LINGO2: variants seen among roughly 807,000 people sequenced by gnomAD.
LINGO2 encodes leucine rich repeat and Ig domain containing 2, also known as leucine-rich repeat and immunoglobulin-like domain-containing nogo receptor-interacting protein 2.
A neutral mutation model predicts 30.6 loss-of-function variants in LINGO2; 14 were observed. The ratio of observed to expected loss-of-function variants is 0.46; its 90% CI spans 0.30 to 0.72. The LOEUF is 0.72. Among genes scored for constraint, LINGO2 ranks in the 30% least tolerant of loss-of-function variants. The pLI is 0.07. For missense variants in LINGO2, 729 were observed against 751.7 expected (o/e 0.97, Z 0.35); for synonymous variants, 317 against 288.5 (o/e 1.10, Z -1.00).
intron 5 of LINGO2, among the ~76,000 whole-genome samples, chr9:28,011,943 C>T (rs1004622478): frequency 1.3e-5 from 2 of 150,744 alleles, no homozygotes; most frequent in Admixed American, 6.6e-5. Context: ...AACCCCAAGC[C>T]TCTGAAGGAC....
chr9:28,278,161 A>G (rs1823195398), intron 4 of LINGO2, among the ~76,000 whole-genome samples: 1 of 152,228 alleles, frequency 6.6e-6, no homozygotes, highest in Non-Finnish European at 1.5e-5. Flanking sequence ...AAGGTAAGAA[A>G]GCTGCAGGAA....
the LINGO2 span, among the ~76,000 whole-genome samples, chr9:28,831,283 C>T: frequency 2.1e-4 from 32 of 151,936 alleles, no homozygotes; most frequent in African/African-American, 6.8e-4. Context: ...AAAAATTAAA[C>T]GTACAAAGAC....
the LINGO2 span, among the ~76,000 whole-genome samples, chr9:29,055,940 G>GTATATA: frequency 0.14 from 16,649 of 116,320 alleles, 1,599 homozygotes; most frequent in Non-Finnish European, 0.17. Flanking sequence ...ATGTGTGTGT[G>GTATATA]TATATATACA....
chr9:28,232,915 C>T (rs1403559643), intron 4 of LINGO2, among the ~76,000 whole-genome samples: 1 of 151,000 alleles, frequency 6.6e-6, no homozygotes, highest in Non-Finnish European at 1.5e-5. Context: ...CTCACCCATG[C>T]ATATGGGAAA....
At chr9:28,353,700 A>G (rs1270094597) in intron 3 of LINGO2, among the ~76,000 whole-genome samples, 1 of 152,170 alleles carries the variant, frequency 6.6e-6, no homozygotes, top group Non-Finnish European at 1.5e-5. Flanking sequence ...AGACACATGC[A>G]CACGTATGTT....
the LINGO2 span, among the ~76,000 whole-genome samples, chr9:28,833,508 G>A: frequency 4.6e-5 from 7 of 152,292 alleles, no homozygotes; most frequent in African/African-American, 1.7e-4. Flanking sequence ...AAGTCTGAGA[G>A]AGAAGAAAAC....
chr9:29,062,225 T>C, the LINGO2 span, among the ~76,000 whole-genome samples: 1 of 152,102 alleles, frequency 6.6e-6, no homozygotes, highest in Non-Finnish European at 1.5e-5. Flanking sequence ...TAGAAGCCTG[T>C]GCACTGTTGC....
intron 4 of LINGO2, among the ~76,000 whole-genome samples, chr9:28,172,199 G>A (rs1191664858): frequency 6.7e-6 from 1 of 149,654 alleles, no homozygotes; most frequent in Admixed American, 6.7e-5. Context: ...AGACCATCCC[G>A]GCTAAAACGG....
chr9:28,771,506 T>TGTGTGTGA, the LINGO2 span, among the ~76,000 whole-genome samples: 2 of 95,148 alleles, frequency 2.1e-5, no homozygotes, highest in South Asian at 4.5e-4. Flanking sequence ...TGTGTGTGTG[T>TGTGTGTGA]GAGAGAGAGA....
chr9:28,442,425 A>G (rs1341576804), intron 2 of LINGO2, among the ~76,000 whole-genome samples: 4 of 152,176 alleles, frequency 2.6e-5, no homozygotes, highest in African/African-American at 9.6e-5. Flanking sequence ...ATATCAAAAC[A>G]TCACACTGTG....
intron 1 of LINGO2, among the ~76,000 whole-genome samples, chr9:28,537,321 C>A (rs1418494429): frequency 6.6e-6 from 1 of 152,100 alleles, no homozygotes; most frequent in Non-Finnish European, 1.5e-5. Context: ...AACACAGTCT[C>A]CTTCAAAATA....
At chr9:28,374,204 T>TATA (rs1564158477) in intron 2 of LINGO2, among the ~76,000 whole-genome samples, 3 of 87,454 alleles carry the variant, frequency 3.4e-5, no homozygotes, top group Non-Finnish European at 6.1e-5. Flanking sequence ...AAAAATATGT[T>TATA]TTTATTTATA....
chr9:28,071,460 G>C (rs1825474433), intron 4 of LINGO2, among the ~76,000 whole-genome samples: 1 of 151,856 alleles, frequency 6.6e-6, no homozygotes, highest in Non-Finnish European at 1.5e-5. Flanking sequence ...CTCTAGCCTA[G>C]CTGCTAGTTA....
the LINGO2 span, among the ~76,000 whole-genome samples, chr9:28,808,560 T>A: frequency 1.3e-5 from 2 of 152,198 alleles, no homozygotes; most frequent in African/African-American, 4.8e-5. Context: ...TCACTGGACT[T>A]ACAATTTTAT....
chr9:28,982,085 A>G, the LINGO2 span, among the ~76,000 whole-genome samples: 1 of 152,142 alleles, frequency 6.6e-6, no homozygotes, highest in East Asian at 1.9e-4. Flanking sequence ...ATGCAGTGCC[A>G]TGAATTATCT....
the LINGO2 span, among the ~76,000 whole-genome samples, chr9:29,053,642 C>G: frequency 2.0e-5 from 3 of 152,160 alleles, no homozygotes; most frequent in Non-Finnish European, 4.4e-5. Flanking sequence ...ACATCACTTT[C>G]TTTAATTCAG....
chr9:28,279,738 G>A (rs972565201), intron 4 of LINGO2, among the ~76,000 whole-genome samples: 1 of 152,032 alleles, frequency 6.6e-6, no homozygotes, highest in African/African-American at 2.4e-5. Flanking sequence ...TGCAAGGTAT[G>A]TTTGTATTGT....
the LINGO2 span, among the ~76,000 whole-genome samples, chr9:28,709,565 GA>G: frequency 6.6e-6 from 1 of 151,894 alleles, no homozygotes; most frequent in Non-Finnish European, 1.5e-5. Context: ...ATAACACATT[GA>G]GTAATTATGA....
intron 4 of LINGO2, among the ~76,000 whole-genome samples, chr9:28,062,788 TTCTTCA>T: frequency 6.6e-6 from 1 of 151,462 alleles, no homozygotes; most frequent in Admixed American, 6.6e-5. Context: ...AAAATATGGT[TTCTTCA>T]GTTTTTTGGT....
Sources: allele counts gnomAD v4.1 joint callset (sites outside exome capture counted in the v4.1 genomes callset), GRCh38; gene constraint gnomAD v4.1.1; transcripts MANE v1.5; gene names NCBI Gene and HGNC (gene_info 2026-07-23, HGNC 2026-07-21).